Variants in TESK2 observed in about 807,000 individuals in gnomAD.
TESK2 encodes dual specificity testis-specific protein kinase 2.
A neutral mutation model predicts 57.1 loss-of-function variants in TESK2; 39 were observed. The ratio of observed to expected loss-of-function variants is 0.68; its 90% confidence interval spans 0.53 to 0.89. The LOEUF (loss-of-function observed/expected upper bound fraction) is 0.89, where lower values mean the gene tolerates loss of function less well. Among genes scored for constraint, TESK2 ranks in the 40% least tolerant of loss-of-function variants. The pLI is 0.00. For missense variants in TESK2, 646 were observed against 732.1 expected, an observed-to-expected ratio of 0.88 and a Z score of 1.36; for synonymous variants, 249 against 267.9, an observed-to-expected ratio of 0.93 and a Z score of 0.69.
At chr1:45,349,453 C>T (rs1261834448) in intron 5 of TESK2, among the ~76,000 whole-genome samples, 1 of 152,198 alleles carries the variant, frequency 6.6e-6, no homozygotes, top group Non-Finnish European at 1.5e-5. Flanking sequence ...TGCCTATTAG[C>T]CAAAGCCCCA....
chr1:45,363,150 T>G (rs896646059), intron 4 of TESK2, among the ~76,000 whole-genome samples: 1 of 152,182 alleles, frequency 6.6e-6, no homozygotes, highest in African/African-American at 2.4e-5. Context: ...ACAAAGTCAG[T>G]CCAGTTTGGT....
rs58542898 is a variant in TESK2, at chr1:45,475,063, C to CA, written c.-87+15788dup. Among the ~76,000 whole-genome samples, 709 of 87,282 alleles carry CA rather than the reference C, an allele frequency of 8.1e-3. 4 individuals are homozygous for CA. Among genetic ancestry groups the CA allele is most frequent in the African/African-American group, 0.01 (267 of 26,358 alleles). The allele number at this position is 87,282 out of a possible 152,430, so 57.3% of individuals were successfully genotyped here. A position where few individuals can be genotyped will look rare whatever the true frequency, so the allele number is the denominator to read the frequency against. ...ATGGCAACAGAGCAAGACTCTATCT[C>CA]AAAAAAAAAAAAAAAAAAAGAAAAG... On this transcript the variant is annotated intron_variant, in intron 1 of 10. Coordinates refer to ENST00000372086, the MANE Select transcript of TESK2 (RefSeq NM_007170.3).
intron 2 of TESK2, among the ~76,000 whole-genome samples, chr1:45,423,827 A>T (rs1650580660): frequency 6.6e-6 from 1 of 152,178 alleles, no homozygotes; most frequent in Admixed American, 6.6e-5. Context: ...ATTTCAATGC[A>T]CACTCCACAG....
chr1:45,460,425 C>A (rs1234368701), intron 1 of TESK2, among the ~76,000 whole-genome samples: 1 of 152,082 alleles, frequency 6.6e-6, no homozygotes, highest in Non-Finnish European at 1.5e-5. Context: ...GAAGCTGAGG[C>A]AGGAGAATAG....
At chr1:45,368,789 C>T (rs1159228122) in intron 4 of TESK2, among the ~76,000 whole-genome samples, 4 of 151,922 alleles carry the variant, frequency 2.6e-5, no homozygotes, top group Non-Finnish European at 5.9e-5. Context: ...GTTCTTGTTG[C>T]CCAGGCTGGA....
intron 1 of TESK2, among the ~76,000 whole-genome samples, chr1:45,488,126 C>A (rs187854995): frequency 7.9e-5 from 12 of 152,078 alleles, no homozygotes; most frequent in African/African-American, 2.9e-4. Flanking sequence ...GTTGCCCATG[C>A]TGGTCGCAAA....
chr1:45,363,128 T>A (rs565212012), intron 4 of TESK2, among the ~76,000 whole-genome samples: 1 of 152,292 alleles, frequency 6.6e-6, no homozygotes, highest in Non-Finnish European at 1.5e-5. Context: ...ATTAAAGAGA[T>A]AAGGTCTAAA....
Position 45,344,477 on chromosome 1 carries a change from G to A in TESK2, c.*363C>T, listed in dbSNP as rs1257065951. On this transcript the variant is annotated 3_prime_UTR_variant, in exon 11 of 11. Transcript: ENST00000372086. Reference sequence around the variant, plus strand: ...CAGTAGCTTATATGCCCCAAGAAAAGGCAAGAGACAGACCTGGGGTGGGGA... The same window carrying A: ...CAGTAGCTTATATGCCCCAAGAAAAAGCAAGAGACAGACCTGGGGTGGGGA... The A allele has an allele frequency of 4.4e-6, 1 of 228,672 alleles. No individual in the cohort carries two copies. The highest frequency in any genetic ancestry group is 5.2e-5 in the Admixed American group (1 of 19,340). 14.2% of individuals were successfully genotyped at this position (228,672 alleles called of 1,614,324 possible).
At chr1:45,408,400 T>TCA (rs1649926287) in intron 3 of TESK2, among the ~76,000 whole-genome samples, 1 of 152,142 alleles carries the variant, frequency 6.6e-6, no homozygotes, top group Non-Finnish European at 1.5e-5. Flanking sequence ...TTCTAAAATT[T>TCA]CATAATGATA....
At chr1:45,388,218 G>A (rs965271438) in intron 3 of TESK2, among the ~76,000 whole-genome samples, 4 of 152,146 alleles carry the variant, frequency 2.6e-5, no homozygotes, top group Middle Eastern at 3.4e-3. Flanking sequence ...TTCTGTTGGA[G>A]GGCAATTATA....
rs533193831 is a variant in TESK2, at chr1:45,355,570, G to A, written c.394-121C>T. 2.9e-5 allele frequency: 32 copies of A among 1,101,800 alleles called. No individual in the cohort carries two copies. In the South Asian group the frequency reaches 5.0e-4, roughly 17 times the overall value. 68.3% of individuals were successfully genotyped at this position (1,101,800 alleles called of 1,614,324 possible). On this transcript the variant is annotated intron_variant, in intron 4 of 10. Coordinates refer to ENST00000372086, the MANE Select transcript of TESK2 (RefSeq NM_007170.3). ...GTATTTTTTTTTTAAGTTACTGAGG[G>A]CTTATTCTGCCTCCAAGCACTATGG...
At chr1:45,381,374 A>G (rs1286795606) in intron 4 of TESK2, among the ~76,000 whole-genome samples, 1 of 152,206 alleles carries the variant, frequency 6.6e-6, no homozygotes, top group East Asian at 1.9e-4. Context: ...CCTGGACTCA[A>G]GCATGTGACT....
At chr1:45,443,981 C>T (rs1020467184) in intron 2 of TESK2, among the ~76,000 whole-genome samples, 9 of 152,020 alleles carry the variant, frequency 5.9e-5, no homozygotes, top group Non-Finnish European at 1.0e-4. Flanking sequence ...AGTTTGACAC[C>T]AGCCTAGGCA....
intron 2 of TESK2, among the ~76,000 whole-genome samples, chr1:45,438,613 G>C (rs1028156330): frequency 3.3e-5 from 5 of 152,116 alleles, no homozygotes; most frequent in African/African-American, 1.2e-4. Context: ...TATCATGAGG[G>C]TTTGTTGTTC....
chr1:45,422,575 C>G (rs189188626), intron 2 of TESK2, among the ~76,000 whole-genome samples: 52 of 152,100 alleles, frequency 3.4e-4, no homozygotes, highest in Non-Finnish European at 6.6e-4. Flanking sequence ...TCCTGAGTAG[C>G]TGGGATTACA....
Position 45,370,747 on chromosome 1 carries a change from T to A in TESK2, c.393+15165A>T, listed in dbSNP as rs180756680. Among the ~76,000 whole-genome samples the A allele has an allele frequency of 3.8e-3, 581 of 152,140 alleles. 6 individuals are homozygous for A. The highest frequency in any genetic ancestry group is 0.013 in the African/African-American group (553 of 41,500). On this transcript the variant is annotated intron_variant, in intron 4 of 10. Transcript: ENST00000372086. Reference sequence around the variant, plus strand: ...TTCCATTTGTGGAACTGAAAGAGGTTCAGTACAGCTGTAGCACACAGTTGA... The same window carrying A: ...TTCCATTTGTGGAACTGAAAGAGGTACAGTACAGCTGTAGCACACAGTTGA...
intron 2 of TESK2, among the ~76,000 whole-genome samples, chr1:45,450,606 G>A (rs1323222343): frequency 6.6e-6 from 1 of 152,070 alleles, no homozygotes; most frequent in East Asian, 1.9e-4. Context: ...TTGGCAAGAA[G>A]TACATCTTAT....
At chr1:45,473,857 C>G (rs1170382971) in intron 1 of TESK2, among the ~76,000 whole-genome samples, 2 of 149,938 alleles carry the variant, frequency 1.3e-5, no homozygotes, top group African/African-American at 2.5e-5. Flanking sequence ...AGTGCAGTGG[C>G]TCAACCATAG....
intron 1 of TESK2, among the ~76,000 whole-genome samples, chr1:45,482,747 A>T (rs1557591086): frequency 6.6e-6 from 1 of 151,842 alleles, no homozygotes; most frequent in Non-Finnish European, 1.5e-5. Flanking sequence ...TGGGAGGCCA[A>T]GGGGGGTGGA....
Sources: gnomAD v4.1 joint callset for allele counts (sites outside exome capture counted in the v4.1 genomes callset) on GRCh38, gnomAD v4.1.1 for gene constraint, MANE v1.5 for transcripts, NCBI Gene and HGNC (gene_info 2026-07-23, HGNC 2026-07-21) for gene names.